Variants in DAP3 observed in about 807,000 individuals in gnomAD.
DAP3 encodes the protein small ribosomal subunit protein mS29.
Under a neutral mutation model 51.9 loss-of-function variants are expected in DAP3, and 28 were observed. That is an observed-to-expected ratio of 0.54 (90% CI 0.40 to 0.74). The LOEUF is 0.74. Among genes scored for constraint, DAP3 ranks in the 30% least tolerant of loss-of-function variants. The pLI, the probability that DAP3 is intolerant of heterozygous loss-of-function variation, is 0.00. For missense variants in DAP3, 458 were observed against 483.5 expected (o/e 0.95, Z 0.49); for synonymous variants, 170 against 170.3 (o/e 1.00, Z 0.01).
Position 155,689,115 on chromosome 1 carries a change from A to C in DAP3, c.-67A>C. 1 of 1,140,902 alleles carries C rather than the reference A, an allele frequency of 8.8e-7. No individual in the cohort carries two copies. The highest frequency in any genetic ancestry group is 2.6e-5 in the East Asian group (1 of 39,178). The allele number at this position is 1,140,902 out of a possible 1,614,324, so 70.7% of individuals were successfully genotyped here. On this transcript the variant is annotated 5_prime_UTR_variant, in exon 1 of 13. Coordinates refer to ENST00000368336, the MANE Select transcript of DAP3 (RefSeq NM_004632.4). ...TGCAGTCTCAGGACGGGCGCTTTGG[A>C]GCCGGCCCCAGGCAGCGTGTGTCGG...
chr1:155,734,240 C>T (rs769900684), intron 11 of DAP3, among the ~76,000 whole-genome samples: 12 of 152,182 alleles, frequency 7.9e-5, no homozygotes, highest in Non-Finnish European at 1.5e-4. Context: ...TAGGGTCTCA[C>T]TCTGTCACCC....
rs1449811545 is a variant in DAP3 at position 155,691,772 on chromosome 1, T to C, written c.-8+2598T>C. Among the ~76,000 whole-genome samples the C allele has an allele frequency of 1.4e-5, 2 of 142,008 alleles. 1 individual carries two copies. Among genetic ancestry groups the C allele is most frequent in the African/African-American group, 6.4e-5 (2 of 31,442 alleles). The allele number at this position is 142,008 out of a possible 152,430, so 93.2% of individuals were successfully genotyped here. ...TTATTATCAGTTCTTTTGAATTTCA[T>C]CATTCTAGTGGGTGTGAAGTGTATC... On this transcript the variant is annotated intron_variant, in intron 1 of 12. Transcript: ENST00000368336.
chr1:155,721,370 G>GTA (rs1325757539), intron 3 of DAP3, 147 bp from the exon 4 acceptor site: 1 of 355,308 alleles, frequency 2.8e-6, no homozygotes, highest in Non-Finnish European at 5.0e-6. Context: ...ATATATATAT[G>GTA]TATGTATGTG....
chr1:155,726,107 T>C, intron 6 of DAP3, 88 bp downstream of exon 6: 1 of 1,154,468 alleles, frequency 8.7e-7, no homozygotes, highest in Non-Finnish European at 1.2e-6. Flanking sequence ...TCTTTTCTTT[T>C]CTTTTCTTTT....
chr1:155,700,437 T>C (rs1256956178), intron 1 of DAP3, among the ~76,000 whole-genome samples: 1 of 152,234 alleles, frequency 6.6e-6, no homozygotes, highest in Non-Finnish European at 1.5e-5. Flanking sequence ...TTTGATGTTA[T>C]AGTTAAGAAA....
intron 2 of DAP3, among the ~76,000 whole-genome samples, chr1:155,715,819 T>C (rs538259654): frequency 6.6e-6 from 1 of 152,296 alleles, no homozygotes; most frequent in Non-Finnish European, 1.5e-5. Context: ...GAGGTTTCGG[T>C]GTACAGTTCA....
In DAP3 at chr1:155,721,407, T is replaced by C. The variant is rs373143817; in HGVS notation, c.169-110T>C. ...ATATATATATGTATGTATGTATATA[T>C]ATATATATATACACATAGACATACA... On this transcript the variant is annotated intron_variant, in intron 3 of 12. Transcript: ENST00000368336. 409 of 515,290 alleles carry C rather than the reference T, an allele frequency of 7.9e-4. 3 individuals are homozygous for C. Among genetic ancestry groups the C allele is most frequent in the Non-Finnish European group, 1.1e-3 (314 of 294,050 alleles). The allele number at this position is 515,290 out of a possible 1,614,324, so 31.9% of individuals were successfully genotyped here.
At chr1:155,721,959 G>A (rs1275469527) in intron 4 of DAP3, 7 of 363,954 alleles carry the variant, frequency 1.9e-5, no homozygotes, top group Non-Finnish European at 3.5e-5. Flanking sequence ...CTAAATAGAA[G>A]CAATATTTTG....
In DAP3 at chr1:155,721,806, T is replaced by C. The variant is rs1391446399; in HGVS notation, c.270+188T>C. The C allele has an allele frequency of 5.2e-6, 3 of 582,070 alleles. No individual in the cohort carries two copies. The Admixed American group carries it at 8.8e-5, about 17-fold the overall frequency. The allele number at this position is 582,070 out of a possible 1,614,324, so 36.1% of individuals were successfully genotyped here. ...GCTCATGTTTAAACAATATTGATGT[T>C]TTCCTCCTTGTATAGCCCAAGAAGA... On this transcript the variant is annotated intron_variant, in intron 4 of 12. Coordinates refer to ENST00000368336, the MANE Select transcript of DAP3 (RefSeq NM_004632.4).
upstream of DAP3, chr1:155,689,067 T>G: frequency 2.6e-6 from 4 of 1,514,512 alleles, no homozygotes; most frequent in Non-Finnish European, 2.7e-6. Context: ...AGTCGTTTCC[T>G]GCCGGATGAC....
intron 11 of DAP3, among the ~76,000 whole-genome samples, chr1:155,733,202 T>C (rs1159288680): frequency 2.0e-5 from 3 of 152,228 alleles, no homozygotes; most frequent in African/African-American, 7.2e-5. Flanking sequence ...AGTGATGACA[T>C]GTCTGAGTGA....
chr1:155,693,242 C>T (rs796398472), intron 1 of DAP3, among the ~76,000 whole-genome samples: 1 of 141,664 alleles, frequency 7.1e-6, no homozygotes, highest in Non-Finnish European at 1.5e-5. Context: ...GGTCGAATAT[C>T]AATATTTCCG....
chr1:155,731,873 C>G, intron 10 of DAP3, 71 bp from the exon 11 acceptor site: 1 of 1,448,178 alleles, frequency 6.9e-7, no homozygotes, highest in East Asian at 2.5e-5. Context: ...AAAAAAAAAT[C>G]TACAGATGAT....
chr1:155,728,898 C>T (rs1658902371), intron 7 of DAP3, 144 bp from the exon 8 acceptor site: 11 of 678,950 alleles, frequency 1.6e-5, no homozygotes, highest in Non-Finnish European at 2.0e-5. Flanking sequence ...GCATTCACTT[C>T]TACATTGAGG....
At chr1:155,728,085 ATTC>A (rs1395383102) in intron 7 of DAP3, among the ~76,000 whole-genome samples, 3 of 151,978 alleles carry the variant, frequency 2.0e-5, no homozygotes, top group Admixed American at 6.6e-5. Context: ...TATTGGAAAA[ATTC>A]TTCTTTACCC....
At chr1:155,716,271 G>C (rs1311959459) in intron 2 of DAP3, among the ~76,000 whole-genome samples, 1 of 152,128 alleles carries the variant, frequency 6.6e-6, no homozygotes, top group Non-Finnish European at 1.5e-5. Flanking sequence ...TTACATAGAA[G>C]AAAAATGTTG....
chr1:155,730,279 G>A (rs921414417), intron 9 of DAP3, among the ~76,000 whole-genome samples: 4 of 131,820 alleles, frequency 3.0e-5, no homozygotes, highest in African/African-American at 1.7e-4. Flanking sequence ...ATTCGTATAT[G>A]CATATGCACA....
chr1:155,701,774 T>C (rs1475631593), intron 1 of DAP3, among the ~76,000 whole-genome samples: 1 of 151,666 alleles, frequency 6.6e-6, no homozygotes, highest in Admixed American at 6.6e-5. Flanking sequence ...GGCTGTTTGA[T>C]AGAAAAAGGA....
intron 1 of DAP3, among the ~76,000 whole-genome samples, chr1:155,696,837 T>C (rs1654574137): frequency 6.6e-6 from 1 of 152,172 alleles, no homozygotes; most frequent in Non-Finnish European, 1.5e-5. Flanking sequence ...TAAAGGCAAA[T>C]TTTTCAAAAT....
Sources: gnomAD v4.1 joint callset for allele counts (sites outside exome capture counted in the v4.1 genomes callset) on GRCh38, gnomAD v4.1.1 for gene constraint, MANE v1.5 for transcripts, NCBI Gene and HGNC (gene_info 2026-07-23, HGNC 2026-07-21) for gene names.